The following ANK2 variants were observed in gnomAD, a reference collection of about 807,000 sequenced individuals.
The protein encoded by ANK2 is ankyrin-2.
ANK2 carries 83 observed loss-of-function variants against 360.5 expected under a neutral mutation model. The observed-to-expected ratio is 0.23, with a 90% CI of 0.19 to 0.28. The LOEUF is 0.28. ANK2 is among the 10% of genes least tolerant of loss of function. ANK2 has a pLI of 1.00. For synonymous variants in ANK2, 1,740 were observed against 1,759.5 expected (o/e 0.99, Z 0.28); for missense variants, 4,201 against 4,795.7 (o/e 0.88, Z 3.66).
At chr4:112,724,276 G>A in the ANK2 span, among the ~76,000 whole-genome samples, 1 of 151,988 alleles carries the variant, frequency 6.6e-6, no homozygotes, top group African/African-American at 2.4e-5. Flanking sequence ...TGTTGGCTAG[G>A]CTGGTCTTGA....
At chr4:112,722,650 C>G in the ANK2 span, among the ~76,000 whole-genome samples, 4 of 152,172 alleles carry the variant, frequency 2.6e-5, no homozygotes, top group African/African-American at 9.7e-5. Flanking sequence ...GTGTCCAAAG[C>G]AGAAAGCAAG....
Position 113,357,475 on chromosome 4 carries a change from A to T in ANK2, c.8857A>T (p.Ser2953Cys). The change falls in exon 38 of 46, where the codon AGT becomes TGT. Residue 2953 changes from serine (S) to cysteine (C), a missense_variant. Coordinates refer to ENST00000357077, the MANE Select transcript of ANK2 (RefSeq NM_001148.6). ...CCAAACAGATGCAAATCACACCACA[A>T]GTTTTCACTCTTCTGAAGTGTATTC... ...KTQTDANHTT[S>C]FHSSEVYSVT... The T allele has an allele frequency of 6.2e-7, 1 of 1,614,098 alleles. No individual in the cohort carries two copies. The highest frequency in any genetic ancestry group is 1.3e-5 in the African/African-American group (1 of 75,028).
At chr4:112,747,360 G>C in the ANK2 span, among the ~76,000 whole-genome samples, 5 of 152,338 alleles carry the variant, frequency 3.3e-5, no homozygotes, top group East Asian at 5.8e-4. Flanking sequence ...CACAGGCTGA[G>C]ATCTCCAAAG....
chr4:113,336,739 G>C lies in ANK2; in HGVS notation c.3754G>C (p.Gly1252Arg). Reference sequence around the variant, plus strand: ...AAGTGATGTCATGTTGAATGGTTTTGGGGGAGATGCACCAACCTTAAGATT... The same window carrying C: ...AAGTGATGTCATGTTGAATGGTTTTCGGGGAGATGCACCAACCTTAAGATT... The part of the protein sequence containing the change: ...ASSDVMLNGF[G>R]GDAPTLRLLC... The change falls in exon 31 of 46, where the codon GGG becomes CGG. Residue 1252 changes from glycine to arginine, a missense_variant. Coordinates refer to ENST00000357077, the MANE Select transcript of ANK2 (RefSeq NM_001148.6). The C allele has an allele frequency of 6.2e-7, 1 of 1,614,062 alleles. No homozygotes were observed. The highest frequency in any genetic ancestry group is 1.1e-5 in the South Asian group (1 of 91,078).
rs776843006 is a variant in ANK2, at chr4:113,373,175, T to C, written c.11694+2T>C. On this transcript the variant is annotated splice_donor_variant, in intron 44 of 45. Transcript: ENST00000357077. LOFTEE classifies it high-confidence loss of function. ...CATGGACACACCGTGGTAAAGAAGGTATTGTCTAGTATATCCTAACAGGGT... is the reference window on the plus strand; with the variant it reads ...CATGGACACACCGTGGTAAAGAAGGCATTGTCTAGTATATCCTAACAGGGT... 6.2e-7 allele frequency: 1 copy of C among 1,613,572 alleles called. No homozygotes were observed. The highest frequency in any genetic ancestry group is 8.5e-7 in the Non-Finnish European group (1 of 1,179,608).
intron 45 of ANK2, 55 bp downstream of exon 45, chr4:113,373,504 T>C: frequency 6.4e-7 from 1 of 1,559,918 alleles, no homozygotes. Context: ...AAAATAGAGC[T>C]CAAGAAAGAT....
chr4:112,882,461 A>G (rs2150456744), intron 1 of ANK2: 1 of 152,220 alleles, frequency 6.6e-6, no homozygotes, highest in Admixed American at 6.5e-5. Context: ...CTAGTTTAAG[A>G]TGCATTTTTT....
At chr4:112,811,557 C>T in the ANK2 span, among the ~76,000 whole-genome samples, 7 of 152,028 alleles carry the variant, frequency 4.6e-5, no homozygotes, top group Admixed American at 3.9e-4. Context: ...TACGATTTCC[C>T]CCCCTTGAGA....
At chr4:113,377,900 C>T (rs776561335) in intron 45 of ANK2, among the ~76,000 whole-genome samples, 11 of 152,140 alleles carry the variant, frequency 7.2e-5, no homozygotes, top group Non-Finnish European at 4.4e-5. Context: ...ACAAATCTCC[C>T]TCACAAATGA....
chr4:112,781,982 A>G, the ANK2 span, among the ~76,000 whole-genome samples: 13 of 151,572 alleles, frequency 8.6e-5, no homozygotes, highest in African/African-American at 2.4e-4. Flanking sequence ...GTTGCATACC[A>G]CCATGCCCGG....
At chr4:113,373,518 T>C (rs2154075631) in intron 45 of ANK2, 69 bp downstream of exon 45, 14 of 1,285,004 alleles carry the variant, frequency 1.1e-5, no homozygotes, top group Non-Finnish European at 1.4e-5. Flanking sequence ...GAAAGATGAG[T>C]GAGATTGTTT....
rs879006171 is a variant in ANK2, at chr4:113,353,670, A to G, written c.5052A>G (p.Pro1684=). The G allele has an allele frequency of 6.2e-7, 1 of 1,614,002 alleles. No homozygotes were observed. The highest frequency in any genetic ancestry group is 8.5e-7 in the Non-Finnish European group (1 of 1,180,004). ...SSEKEGKDIP[P]DETQSTQKQH... is the part of the protein sequence containing the mutation. ...AAAAGGAAGGGAAAGACATACCCCC[A>G]GATGAGACACAGAGTACACAGAAAC... The change falls in exon 38 of 46, where the codon CCA becomes CCG. Residue 1684 remains proline (P), a synonymous_variant. Transcript: ENST00000357077.
At chr4:112,765,704 T>C in the ANK2 span, among the ~76,000 whole-genome samples, 3 of 147,996 alleles carry the variant, frequency 2.0e-5, no homozygotes, top group Non-Finnish European at 3.0e-5. Context: ...GTCTTTTAGA[T>C]AGTATATGTC....
intron 43 of ANK2, 77 bp from the exon 44 acceptor site, chr4:113,373,013 A>T: frequency 8.3e-7 from 1 of 1,210,512 alleles, no homozygotes; most frequent in South Asian, 1.2e-5. Context: ...AACATTCCTC[A>T]CATTATAAGC....
rs1176893982 is a variant in ANK2 at position 113,359,242 on chromosome 4, T to G, written c.10624T>G (p.Ser3542Ala). The G allele has an allele frequency of 6.2e-7, 1 of 1,613,884 alleles. No homozygotes were observed. Among genetic ancestry groups the G allele is most frequent in the Non-Finnish European group, 8.5e-7 (1 of 1,179,876 alleles). Residue 3542 changes from serine (S) to alanine (A), a missense_variant, in exon 38 of 46, where the codon TCT (serine) becomes GCT (alanine). Coordinates refer to ENST00000357077, the MANE Select transcript of ANK2 (RefSeq NM_001148.6). ...TGACACAAGGCCCATTTGGGATGAG[T>G]CTATTGAGACTCTGATTGAACGCAT... ...IFDTRPIWDESIETLIERIPD... is the reference protein window; with the variant it reads ...IFDTRPIWDEAIETLIERIPD...
At chr4:113,114,664 T>C (rs528763930) in intron 1 of ANK2, among the ~76,000 whole-genome samples, 1 of 152,332 alleles carries the variant, frequency 6.6e-6, no homozygotes, top group Non-Finnish European at 1.5e-5. Flanking sequence ...TGTTTGATTT[T>C]ACAAGAGAGT....
chr4:113,012,448 C>T (rs1374359392), intron 2 of ANK2, among the ~76,000 whole-genome samples: 1 of 152,150 alleles, frequency 6.6e-6, no homozygotes, highest in Non-Finnish European at 1.5e-5. Context: ...ATCAGTTTCT[C>T]ATATCAACTC....
intron 2 of ANK2, among the ~76,000 whole-genome samples, chr4:112,920,219 C>G (rs1442732886): frequency 6.6e-6 from 1 of 152,122 alleles, no homozygotes; most frequent in African/African-American, 2.4e-5. Flanking sequence ...TTATAAGACA[C>G]AAAGTCAATC....
chr4:112,854,630 A>AGTAT (rs2065882844), intron 1 of ANK2, among the ~76,000 whole-genome samples: 1 of 152,188 alleles, frequency 6.6e-6, no homozygotes, highest in Non-Finnish European at 1.5e-5. Context: ...AGGAAGAGGT[A>AGTAT]GTATGCTAAG....
Sources: allele counts gnomAD v4.1 joint callset (sites outside exome capture counted in the v4.1 genomes callset), GRCh38; gene constraint gnomAD v4.1.1; transcripts MANE v1.5; gene names NCBI Gene and HGNC (gene_info 2026-07-23, HGNC 2026-07-21).